GTPBP1: variants seen among roughly 807,000 people sequenced by gnomAD.
GTPBP1 encodes GTP-binding protein 1.
GTPBP1 carries 23 observed loss-of-function variants against 62.0 expected under a neutral mutation model. The ratio of observed to expected loss-of-function variants is 0.37; its 90% confidence interval spans 0.27 to 0.53. The LOEUF is 0.53. Ranked by LOEUF, GTPBP1 falls within the 20% of genes least tolerant of loss-of-function variation. The pLI, the probability that GTPBP1 is intolerant of heterozygous loss-of-function variation, is 0.89. For synonymous variants in GTPBP1, 344 were observed against 364.4 expected, an observed-to-expected ratio of 0.94 and a Z score of 0.64; for missense variants, 640 against 917.3, an observed-to-expected ratio of 0.70 and a Z score of 3.90.
downstream of GTPBP1, chr22:38,742,703 C>T (rs1034238788): frequency 1.4e-5 from 15 of 1,071,984 alleles, no homozygotes; most frequent in East Asian, 8.2e-5. Context: ...GGCTGGAGCT[C>T]GTGGGCAGGG....
intron 2 of GTPBP1, among the ~76,000 whole-genome samples, chr22:38,710,032 TG>T (rs1316558556): frequency 6.6e-6 from 1 of 152,270 alleles, no homozygotes; most frequent in Non-Finnish European, 1.5e-5. Flanking sequence ...TTTGCTGAAA[TG>T]ACAGCTGGGG....
chr22:38,723,978 G>A lies in GTPBP1; in HGVS notation c.959-319G>A, dbSNP rs539962875. ...GAAGTAGTGCATTCTGAGAACTGAA[G>A]TGTGAAGTGAATTGTTTTTCTTGGG... On this transcript the variant is annotated intron_variant, in intron 5 of 11. Transcript: ENST00000216044. Among the ~76,000 whole-genome samples, 10 of 152,274 alleles carry A rather than the reference G, an allele frequency of 6.6e-5. No homozygotes were observed. The East Asian group carries it at 1.7e-3, about 26-fold the overall frequency.
chr22:38,705,967 G>C lies in GTPBP1; in HGVS notation c.12G>C (p.Glu4Asp). 1.4e-6 allele frequency: 2 copies of C among 1,445,358 alleles called. No homozygotes were observed. Among genetic ancestry groups the C allele is most frequent in the Non-Finnish European group, 1.8e-6 (2 of 1,096,320 alleles). 89.5% of individuals were successfully genotyped at this position (1,445,358 alleles called of 1,614,324 possible). The change falls in exon 1 of 12, where the codon GAG becomes GAC. Residue 4 changes from glutamate (E) to aspartate (D), a missense_variant. Coordinates refer to ENST00000216044, the MANE Select transcript of GTPBP1 (RefSeq NM_004286.5). ...CTAAGTTATTAAAGATGGCGACGGA[G>C]CGCAGTCGCTCCGCGATGGACTCGC... MAT[E>D]RSRSAMDSPV...
chr22:38,710,629 A>AC (rs998538176), intron 2 of GTPBP1, among the ~76,000 whole-genome samples: 3 of 152,140 alleles, frequency 2.0e-5, no homozygotes, highest in Non-Finnish European at 4.4e-5. Flanking sequence ...CAAAAAAAAA[A>AC]CATTCCATTT....
downstream of GTPBP1, chr22:38,742,194 C>T: frequency 7.2e-7 from 1 of 1,390,686 alleles, no homozygotes; most frequent in Non-Finnish European, 9.7e-7. Flanking sequence ...TGCAAAATGG[C>T]AGAGCTGTCT....
rs11704326 is a variant in GTPBP1, at chr22:38,731,771, C to G, written c.*1067C>G. On this transcript the variant is annotated 3_prime_UTR_variant, in exon 12 of 12. Coordinates refer to ENST00000216044, the MANE Select transcript of GTPBP1 (RefSeq NM_004286.5). ...GAGACTAGAACCCCATCTTCCCCACCACGCCACCCCTGTGGCTGCTACAGG... is the reference window on the plus strand; with the variant it reads ...GAGACTAGAACCCCATCTTCCCCACGACGCCACCCCTGTGGCTGCTACAGG... 2.2e-3 allele frequency: 335 copies of G among 152,546 alleles called. 1 individual carries two copies. Among genetic ancestry groups the G allele is most frequent in the Non-Finnish European group, 3.4e-3 (233 of 68,186 alleles). 9.4% of individuals were successfully genotyped at this position (152,546 alleles called of 1,614,324 possible).
chr22:38,715,804 CG>C, intron 2 of GTPBP1, 102 bp from the exon 3 acceptor site: 16 of 864,138 alleles, frequency 1.9e-5, no homozygotes, highest in Non-Finnish European at 1.8e-5. Context: ...GTGCTGGGGT[CG>C]GGGGGTGGTG....
intron 4 of GTPBP1, among the ~76,000 whole-genome samples, chr22:38,720,010 G>C: frequency 6.9e-6 from 1 of 145,634 alleles, no homozygotes; most frequent in East Asian, 2.1e-4. Context: ...CTCACTGCAA[G>C]CTCTGCCTCC....
chr22:38,728,112 G>C lies in GTPBP1; in HGVS notation c.1667G>C (p.Arg556Pro). The C allele has an allele frequency of 6.2e-7, 1 of 1,613,764 alleles. No homozygotes were observed. The highest frequency in any genetic ancestry group is 8.5e-7 in the Non-Finnish European group (1 of 1,179,674). ...CCTGAGTACCTGCACATAGACCAGC[G>C]GCTGGTGTTCCGGGAAGGCCGCACC... ...KTPEYLHIDQ[R>P]LVFREGRTKA... Residue 556 changes from arginine (R) to proline (P), a missense_variant, in exon 10 of 12, where the codon CGG becomes CCG. Coordinates refer to ENST00000216044, the MANE Select transcript of GTPBP1 (RefSeq NM_004286.5).
intron 6 of GTPBP1, 82 bp from the exon 7 acceptor site, chr22:38,725,924 C>T: frequency 7.5e-7 from 1 of 1,334,140 alleles, no homozygotes; most frequent in East Asian, 2.3e-5. Context: ...AGCCCTGTTG[C>T]TGCCCCTGGT....
chr22:38,716,248 TC>T lies in GTPBP1; in HGVS notation c.485+164del, dbSNP rs1362949680. 4 of 639,790 alleles carry T rather than the reference TC, an allele frequency of 6.3e-6. No homozygotes were observed. The highest frequency in any genetic ancestry group is 3.0e-5 in the Admixed American group (1 of 33,520). 39.6% of individuals were successfully genotyped at this position (639,790 alleles called of 1,614,324 possible). ...GGGCTCCTTGCTCTAATTCTGCACT[TC>T]CCTGTCACTTTGGGAAGAGCACGAG... On this transcript the variant is annotated intron_variant, in intron 3 of 11. Coordinates refer to ENST00000216044, the MANE Select transcript of GTPBP1 (RefSeq NM_004286.5). The surrounding 1 kb of genome is among the most constrained non-coding windows in gnomAD (Gnocchi z 5.2).
In GTPBP1 at chr22:38,732,709, C is replaced by CT. The variant is rs977674082; in HGVS notation, c.*2011dup. The stretch of plus-strand genomic sequence containing the variant: ...CGATGTTTGTTCTGTTTTTCTTTTT[C>CT]TTTTTTGAGACGGAGTCTCGCTGTG... On this transcript the variant is annotated 3_prime_UTR_variant, in exon 12 of 12. Transcript: ENST00000216044. 2.0e-5 allele frequency: 3 copies of CT among 152,316 alleles called. No homozygotes were observed. The highest frequency in any genetic ancestry group is 4.4e-5 in the Non-Finnish European group (3 of 68,144). 9.4% of individuals were successfully genotyped at this position (152,316 alleles called of 1,614,324 possible). A position where few individuals can be genotyped will look rare whatever the true frequency, so the allele number is the denominator to read the frequency against.
At chr22:38,713,067 A>G (rs1735784460) in intron 2 of GTPBP1, among the ~76,000 whole-genome samples, 2 of 152,164 alleles carry the variant, frequency 1.3e-5, no homozygotes, top group Non-Finnish European at 2.9e-5. Context: ...TTGCAAATGT[A>G]AGGGAGACAC....
chr22:38,738,353 G>T, downstream of GTPBP1: 1 of 1,263,196 alleles, frequency 7.9e-7, no homozygotes, highest in East Asian at 2.3e-5. This position sits in a 1 kb window ranked among gnomAD's most constrained non-coding sequence, Gnocchi z 6.6. Flanking sequence ...CCACCCAGCA[G>T]GTCAGGCACC....
At chr22:38,739,925 C>T, downstream of GTPBP1, 1 of 1,611,772 alleles carries the variant, frequency 6.2e-7, no homozygotes. The surrounding 1 kb of genome is among the most constrained non-coding windows in gnomAD (Gnocchi z 6.7). Context: ...CTGATCCAGG[C>T]CGGGAACTGA....
intron 4 of GTPBP1, among the ~76,000 whole-genome samples, chr22:38,719,681 C>T (rs1047700490): frequency 6.6e-5 from 10 of 151,512 alleles, no homozygotes; most frequent in African/African-American, 2.4e-4. Flanking sequence ...GTCTTCATCC[C>T]AGACAAAGTC....
At chr22:38,721,501 G>A (rs2092700646) in intron 4 of GTPBP1, among the ~76,000 whole-genome samples, 1 of 152,236 alleles carries the variant, frequency 6.6e-6, no homozygotes, top group East Asian at 1.9e-4. Flanking sequence ...ACAGGCATGA[G>A]CCACTGCTCC....
At chr22:38,722,887 C>A in intron 5 of GTPBP1, 1 of 1,325,200 alleles carries the variant, frequency 7.5e-7, no homozygotes, top group Non-Finnish European at 1.1e-6. Context: ...GTTTCTTCCA[C>A]GCTTCGGCCC....
intron 5 of GTPBP1, among the ~76,000 whole-genome samples, chr22:38,723,656 C>T (rs142348897): frequency 2.4e-4 from 37 of 152,376 alleles, no homozygotes; most frequent in Middle Eastern, 3.4e-3. Context: ...CCTTCTGGTT[C>T]CAAATGCAGA....
Sources: allele counts gnomAD v4.1 joint callset (sites outside exome capture counted in the v4.1 genomes callset), GRCh38; gene constraint gnomAD v4.1.1; non-coding constraint Gnocchi (gnomAD v3.1); transcripts MANE v1.5; gene names NCBI Gene and HGNC (gene_info 2026-07-23, HGNC 2026-07-21).